PRKCE: variants seen among roughly 807,000 people sequenced by gnomAD.
PRKCE encodes protein kinase C epsilon type.
PRKCE carries 16 observed loss-of-function variants against 85.4 expected under a neutral mutation model. That is an observed-to-expected ratio of 0.19 (90% CI 0.13 to 0.28). The LOEUF (loss-of-function observed/expected upper bound fraction) is 0.28. PRKCE is among the 10% of genes least tolerant of loss of function. The pLI is 1.00. For missense variants in PRKCE, 573 were observed against 975.2 expected (o/e 0.59, Z 5.49); for synonymous variants, 388 against 371.5 (o/e 1.04, Z -0.51).
At chr2:45,733,713 C>T (rs1681787272) in intron 1 of PRKCE, among the ~76,000 whole-genome samples, 3 of 152,282 alleles carry the variant, frequency 2.0e-5, no homozygotes, top group African/African-American at 4.8e-5. Context: ...AGCTTTCTTT[C>T]TACGCAGCTA....
At chr2:45,857,337 A>G (rs1395078420) in intron 2 of PRKCE, among the ~76,000 whole-genome samples, 1 of 152,246 alleles carries the variant, frequency 6.6e-6, no homozygotes, top group Non-Finnish European at 1.5e-5. Flanking sequence ...CTCATTGTTC[A>G]GAAACAATTT....
At chr2:46,116,962 A>C (rs1347960913) in intron 11 of PRKCE, among the ~76,000 whole-genome samples, 2 of 152,242 alleles carry the variant, frequency 1.3e-5, no homozygotes, top group East Asian at 3.8e-4. Flanking sequence ...GGAAGCCAGC[A>C]GTCAAGAAAA....
In PRKCE at chr2:45,742,106, G is replaced by A. The variant is rs189950503; in HGVS notation, c.348+89658G>A. Among the ~76,000 whole-genome samples the A allele has an allele frequency of 1.2e-3, 180 of 152,192 alleles. 3 individuals carry two copies. In the South Asian group the frequency reaches 0.029, roughly 25 times the overall value. On this transcript the variant is annotated intron_variant, in intron 1 of 14. Coordinates refer to ENST00000306156, the MANE Select transcript of PRKCE (RefSeq NM_005400.3). The stretch of plus-strand genomic sequence containing the variant: ...CAACAAAAGCAAAAATAACAAGTGG[G>A]ACTATGTCAAACTAAAAAGCTTCTG...
chr2:45,888,446 A>T (rs993525113), intron 2 of PRKCE, among the ~76,000 whole-genome samples: 2 of 148,678 alleles, frequency 1.3e-5, no homozygotes, highest in Non-Finnish European at 3.0e-5. Flanking sequence ...AAAATGCAGA[A>T]GTAGTATTTC....
chr2:45,897,340 A>G (rs1696225184), intron 2 of PRKCE, among the ~76,000 whole-genome samples: 1 of 152,210 alleles, frequency 6.6e-6, no homozygotes, highest in Non-Finnish European at 1.5e-5. Flanking sequence ...GATCTTCCTC[A>G]GGACACAGCC....
chr2:45,919,887 C>G (rs1037517418), intron 2 of PRKCE, among the ~76,000 whole-genome samples: 5 of 152,212 alleles, frequency 3.3e-5, no homozygotes, highest in Non-Finnish European at 5.9e-5. Flanking sequence ...CAGGCGAACA[C>G]TAGTGCCAGT....
chr2:45,989,707 T>C (rs914518203), intron 6 of PRKCE, among the ~76,000 whole-genome samples: 1 of 152,218 alleles, frequency 6.6e-6, no homozygotes, highest in African/African-American at 2.4e-5. Flanking sequence ...AGAATAATTT[T>C]TAATTTTCAA....
chr2:46,026,811 A>G (rs577343237), intron 10 of PRKCE, among the ~76,000 whole-genome samples: 2 of 152,348 alleles, frequency 1.3e-5, no homozygotes, highest in East Asian at 3.9e-4. Context: ...GACATGTAGC[A>G]TATTTCCATT....
At chr2:45,709,904 G>C (rs935063288) in intron 1 of PRKCE, among the ~76,000 whole-genome samples, 1 of 152,234 alleles carries the variant, frequency 6.6e-6, no homozygotes, top group Non-Finnish European at 1.5e-5. Context: ...CCACCTCCCA[G>C]GTTCAAGTGA....
intron 2 of PRKCE, among the ~76,000 whole-genome samples, chr2:45,950,405 T>C (rs1219536265): frequency 6.6e-6 from 1 of 152,226 alleles, no homozygotes; most frequent in African/African-American, 2.4e-5. Context: ...CACTTCTTCT[T>C]ATGAAAAGCT....
At chr2:45,686,483 G>T (rs940234706) in intron 1 of PRKCE, 1 of 152,206 alleles carries the variant, frequency 6.6e-6, no homozygotes, top group African/African-American at 2.4e-5. Context: ...CATATGATAT[G>T]CTTATATGCT....
At chr2:46,042,801 A>G (rs1345158668) in intron 10 of PRKCE, among the ~76,000 whole-genome samples, 1 of 152,236 alleles carries the variant, frequency 6.6e-6, no homozygotes, top group Non-Finnish European at 1.5e-5. Context: ...CAGGAATGGT[A>G]ACTCCAGCCT....
intron 6 of PRKCE, among the ~76,000 whole-genome samples, chr2:45,992,328 C>T (rs1358574949): frequency 2.6e-5 from 4 of 152,100 alleles, no homozygotes; most frequent in Admixed American, 6.5e-5. Context: ...GACAAGCGGC[C>T]GATCGTGGTC....
intron 10 of PRKCE, among the ~76,000 whole-genome samples, chr2:46,076,995 G>C (rs1423027167): frequency 6.6e-6 from 1 of 152,164 alleles, no homozygotes; most frequent in African/African-American, 2.4e-5. Flanking sequence ...GGCTGGTGGA[G>C]GGGGAATCGG....
intron 1 of PRKCE, among the ~76,000 whole-genome samples, chr2:45,842,714 A>ACT (rs148614411): frequency 6.6e-6 from 1 of 151,836 alleles, no homozygotes; most frequent in African/African-American, 2.4e-5. Flanking sequence ...CAGAAGCAGC[A>ACT]CTCTCTCTCT....
intron 11 of PRKCE, among the ~76,000 whole-genome samples, chr2:46,126,035 C>A (rs1673814941): frequency 6.6e-6 from 1 of 152,228 alleles, no homozygotes; most frequent in African/African-American, 2.4e-5. Context: ...TCAGTTCTTG[C>A]CGAGTGGGCT....
At chr2:45,955,832 A>G (rs1338654087) in intron 2 of PRKCE, among the ~76,000 whole-genome samples, 1 of 152,094 alleles carries the variant, frequency 6.6e-6, no homozygotes, top group East Asian at 1.9e-4. Flanking sequence ...CATACAGTAA[A>G]CTTCACCTTT....
intron 11 of PRKCE, among the ~76,000 whole-genome samples, chr2:46,099,604 C>T (rs3754573): frequency 0.26 from 40,048 of 151,752 alleles, 5,526 homozygotes; most frequent in South Asian, 0.41. Flanking sequence ...TATTTCTTCC[C>T]CCTGTTAACA....
chr2:45,927,093 TG>T (rs1292149851), intron 2 of PRKCE, among the ~76,000 whole-genome samples: 26 of 150,558 alleles, frequency 1.7e-4, no homozygotes, highest in African/African-American at 6.1e-4. Flanking sequence ...TGAGCGTGCA[TG>T]GGACAAGGAT....
Sources: allele counts gnomAD v4.1 joint callset (sites outside exome capture counted in the v4.1 genomes callset), GRCh38; gene constraint gnomAD v4.1.1; transcripts MANE v1.5; gene names NCBI Gene and HGNC (gene_info 2026-07-23, HGNC 2026-07-21).